The following PTP4A1 variants were observed in gnomAD, a reference collection of about 807,000 sequenced individuals.
PTP4A1 encodes protein tyrosine phosphatase 4A1.
A neutral mutation model predicts 20.5 loss-of-function variants in PTP4A1; 9 were observed. The observed-to-expected ratio is 0.44, with a 90% CI of 0.26 to 0.77. The LOEUF (loss-of-function observed/expected upper bound fraction) is 0.77. Among genes scored for constraint, PTP4A1 ranks in the 30% least tolerant of loss-of-function variants. The pLI, the probability that PTP4A1 is intolerant of heterozygous loss-of-function variation, is 0.19. For synonymous variants in PTP4A1, 78 were observed against 67.4 expected, an observed-to-expected ratio of 1.16 and a Z score of -0.77; for missense variants, 137 against 218.8, an observed-to-expected ratio of 0.63 and a Z score of 2.36.
chr6:63,516,786 G>A (rs931372172), upstream of PTP4A1, among the ~76,000 whole-genome samples: 8 of 152,150 alleles, frequency 5.3e-5, no homozygotes, highest in Non-Finnish European at 7.3e-5. Context: ...AAAGGGGTAG[G>A]ACTTCCTCTT....
At chr6:63,572,362 G>A (rs997974980), upstream of PTP4A1, 1 of 300,768 alleles carries the variant, frequency 3.3e-6, no homozygotes, top group Non-Finnish European at 6.1e-6. Flanking sequence ...GACGTCCGGA[G>A]GGGGCGGGCC....
At chr6:63,547,187 AT>A (rs543564867) in intron 2 of PTP4A1, among the ~76,000 whole-genome samples, 5,711 of 133,930 alleles carry the variant, frequency 0.043, 80 homozygotes, top group South Asian at 0.072. Flanking sequence ...GTAGGGGGGA[AT>A]TTTTTTTTTT....
chr6:63,526,950 T>C (rs987142611), intron 1 of PTP4A1, among the ~76,000 whole-genome samples: 4 of 151,880 alleles, frequency 2.6e-5, no homozygotes, highest in Middle Eastern at 3.4e-3. Context: ...GTTATGCACT[T>C]CTTCAAAATG....
intron 2 of PTP4A1, among the ~76,000 whole-genome samples, chr6:63,533,806 A>C (rs1342933014): frequency 6.6e-6 from 1 of 151,508 alleles, no homozygotes; most frequent in African/African-American, 2.4e-5. Context: ...CACAAACAAA[A>C]TATAGCAAAT....
In PTP4A1 at chr6:63,580,598, ACCTTATGTGGTTTATT is replaced by A. The variant is rs1473963639; in HGVS notation, c.*429_*444del. 1 of 156,566 alleles carries A rather than the reference ACCTTATGTGGTTTATT, an allele frequency of 6.4e-6. No individual in the cohort carries two copies. Among genetic ancestry groups the A allele is most frequent in the African/African-American group, 2.4e-5 (1 of 41,464 alleles). The allele number at this position is 156,566 out of a possible 1,614,324, so 9.7% of individuals were successfully genotyped here. A position where few individuals can be genotyped will look rare whatever the true frequency, so the allele number is the denominator to read the frequency against. On this transcript the variant is annotated 3_prime_UTR_variant, in exon 6 of 6. Coordinates refer to ENST00000626021, the MANE Select transcript of PTP4A1 (RefSeq NM_003463.5). Reference sequence around the variant, plus strand: ...AAATCCCAGGAACTATGAACACTAGACCTTATGTGGTTTATTCCTTCAATCATTTCAAACATTGAAA... The same window carrying A: ...AAATCCCAGGAACTATGAACACTAGACCTTCAATCATTTCAAACATTGAAA...
chr6:63,560,839 C>T (rs2149495748), intron 3 of PTP4A1, among the ~76,000 whole-genome samples: 1 of 152,258 alleles, frequency 6.6e-6, no homozygotes, highest in African/African-American at 2.4e-5. Context: ...TAGATTGGCA[C>T]CAGTTCACAG....
chr6:63,570,660 T>C (rs966592092), upstream of PTP4A1, among the ~76,000 whole-genome samples: 2 of 152,252 alleles, frequency 1.3e-5, no homozygotes, highest in Admixed American at 6.5e-5. Context: ...ACCAAATGTA[T>C]TTTTTGAAAT....
At chr6:63,529,816 G>T (rs568226686) in intron 2 of PTP4A1, among the ~76,000 whole-genome samples, 6 of 152,222 alleles carry the variant, frequency 3.9e-5, no homozygotes, top group African/African-American at 1.2e-4. Flanking sequence ...GGCAAAATAC[G>T]TGCGTAAGAG....
intron 2 of PTP4A1, among the ~76,000 whole-genome samples, chr6:63,531,308 G>A (rs1197929078): frequency 6.6e-6 from 1 of 152,088 alleles, no homozygotes; most frequent in Non-Finnish European, 1.5e-5. Context: ...GGCAAATACC[G>A]ATTTGTGAGG....
intron 3 of PTP4A1, among the ~76,000 whole-genome samples, chr6:63,560,287 G>A (rs1479934799): frequency 7.3e-6 from 1 of 137,168 alleles, no homozygotes; most frequent in East Asian, 2.3e-4. Context: ...AAAGTGAGCT[G>A]AGATCACGCC....
chr6:63,537,079 T>C (rs907249718), intron 2 of PTP4A1, among the ~76,000 whole-genome samples: 10 of 152,126 alleles, frequency 6.6e-5, no homozygotes, highest in Non-Finnish European at 1.5e-4. Context: ...ATTAAATATT[T>C]TTAGAAACTA....
intron 2 of PTP4A1, among the ~76,000 whole-genome samples, chr6:63,529,185 A>ATGTGTGTATATATATATGTATATATG (rs1562112468): frequency 2.0e-5 from 3 of 147,060 alleles, no homozygotes; most frequent in Admixed American, 6.9e-5. Flanking sequence ...ATGTATATAT[A>ATGTGTGTATATATATATGTATATATG]TGTGTGTATA....
chr6:63,535,805 C>T (rs373301729), intron 2 of PTP4A1, among the ~76,000 whole-genome samples: 15 of 152,236 alleles, frequency 9.9e-5, no homozygotes, highest in African/African-American at 2.6e-4. Context: ...AGGCTGGCCA[C>T]GATGGCTCAT....
upstream of PTP4A1, among the ~76,000 whole-genome samples, chr6:63,518,770 A>T (rs556848919): frequency 2.6e-5 from 4 of 152,334 alleles, no homozygotes; most frequent in South Asian, 8.3e-4. Flanking sequence ...AATAATCATA[A>T]ATGTACCTGG....
chr6:63,525,437 A>T (rs1775119015), intron 1 of PTP4A1, among the ~76,000 whole-genome samples: 1 of 152,162 alleles, frequency 6.6e-6, no homozygotes, highest in African/African-American at 2.4e-5. Flanking sequence ...TGTCAGTATC[A>T]CCTAGCTGTG....
chr6:63,576,245 G>A (rs1290018207), intron 1 of PTP4A1, among the ~76,000 whole-genome samples, 191 bp from the exon 2 acceptor site: 1 of 151,708 alleles, frequency 6.6e-6, no homozygotes, highest in Non-Finnish European at 1.5e-5. Flanking sequence ...CTATCTGACT[G>A]CTTGTTTTAT....
chr6:63,535,430 TGCACTCCAGCCTAG>T (rs1775675431), intron 2 of PTP4A1, among the ~76,000 whole-genome samples: 1 of 152,006 alleles, frequency 6.6e-6, no homozygotes, highest in Non-Finnish European at 1.5e-5. Flanking sequence ...ATTGCACCAC[TGCACTCCAGCCTAG>T]GCAACAGAGC....
At chr6:63,567,274 A>G (rs771518362) in intron 3 of PTP4A1, among the ~76,000 whole-genome samples, 1 of 152,238 alleles carries the variant, frequency 6.6e-6, no homozygotes, top group Non-Finnish European at 1.5e-5. Context: ...AGGAATCACC[A>G]TCTACAGCAA....
intron 2 of PTP4A1, among the ~76,000 whole-genome samples, chr6:63,543,458 G>A (rs533973559): frequency 9.8e-5 from 15 of 152,296 alleles, no homozygotes; most frequent in Non-Finnish European, 2.1e-4. Context: ...AGCTCTTTAT[G>A]AAAAGGGATA....
Sources: allele counts gnomAD v4.1 joint callset (sites outside exome capture counted in the v4.1 genomes callset), GRCh38; gene constraint gnomAD v4.1.1; transcripts MANE v1.5; gene names NCBI Gene and HGNC (gene_info 2026-07-23, HGNC 2026-07-21).